The following TSSK2 variants were observed in gnomAD, a reference collection of about 807,000 sequenced individuals.
The protein encoded by TSSK2 is testis-specific serine/threonine-protein kinase 2.
Under a neutral mutation model 14.2 loss-of-function variants are expected in TSSK2, and 5 were observed. The ratio of observed to expected loss-of-function variants is 0.35; its 90% CI spans 0.18 to 0.74. TSSK2 has a LOEUF of 0.74. Among genes scored for constraint, TSSK2 ranks in the 30% least tolerant of loss-of-function variants. TSSK2 has a pLI of 0.56. For synonymous variants in TSSK2, 209 were observed against 201.9 expected (o/e 1.04, Z -0.30); for missense variants, 439 against 491.1 (o/e 0.89, Z 1.00).
Position 19,132,162 on chromosome 22 carries a change from C to G in TSSK2, c.763C>G (p.Pro255Ala). ...CKDLIYRMLQ[P>A]DVSQRLHIDE... ...GGACCTCATCTACCGCATGCTGCAGCCCGACGTCAGCCAGCGGCTCCACAT... is the reference window on the plus strand; with the variant it reads ...GGACCTCATCTACCGCATGCTGCAGGCCGACGTCAGCCAGCGGCTCCACAT... Residue 255 changes from proline (P) to alanine (A), a missense_variant, in exon 1 of 1, where the codon CCC becomes GCC. Transcript: ENST00000399635. This position sits in a 1 kb window ranked among gnomAD's most constrained non-coding sequence, Gnocchi z 4.2. 1 of 1,613,378 alleles carries G rather than the reference C, an allele frequency of 6.2e-7. No individual in the cohort carries two copies. The highest frequency in any genetic ancestry group is 8.5e-7 in the Non-Finnish European group (1 of 1,179,426).
chr22:19,132,235 C>G lies in TSSK2; in HGVS notation c.836C>G (p.Ala279Gly). Residue 279 changes from alanine (A) to glycine (G), a missense_variant, in exon 1 of 1, where the codon GCC (alanine) becomes GGC (glycine). Ala to Gly is a moderately conservative substitution (Grantham distance 60). Coordinates refer to ENST00000399635, the MANE Select transcript of TSSK2 (RefSeq NM_053006.5). This position sits in a 1 kb window ranked among gnomAD's most constrained non-coding sequence, Gnocchi z 4.2. ...TGGCTGCAGCCCCCCAAGCCCAAAGCCACGTCTTCTGCCTCCTTCAAGAGG... is the reference window on the plus strand; with the variant it reads ...TGGCTGCAGCCCCCCAAGCCCAAAGGCACGTCTTCTGCCTCCTTCAAGAGG... ...HSWLQPPKPK[A>G]TSSASFKREG... is the part of the protein sequence containing the mutation. 1 of 1,612,120 alleles carries G rather than the reference C, an allele frequency of 6.2e-7. No individual in the cohort carries two copies. Among genetic ancestry groups the G allele is most frequent in the Non-Finnish European group, 8.5e-7 (1 of 1,178,550 alleles).
At position 19,132,387 on chromosome 22, in the gene TSSK2, G is replaced by A. The variant is rs768106552; in HGVS notation, c.988G>A (p.Glu330Lys). Residue 330 changes from glutamate to lysine, a missense_variant, in exon 1 of 1, where the codon GAG becomes AAG. Coordinates refer to ENST00000399635, the MANE Select transcript of TSSK2 (RefSeq NM_053006.5). The surrounding 1 kb of genome is among the most constrained non-coding windows in gnomAD (Gnocchi z 4.2). ...QHRLLVVPEN[E>K]NRMEDRLAET... ...CCGGCTGCTGGTGGTGCCCGAGAAC[G>A]AGAACAGGATGGAGGACAGGCTGGC... The A allele has an allele frequency of 2.2e-5, 36 of 1,613,086 alleles. 1 individual carries two copies. Among genetic ancestry groups the A allele is most frequent in the South Asian group, 1.3e-4 (12 of 91,064 alleles).
rs3747052 is a variant in TSSK2 at position 19,131,479 on chromosome 22, A to G, written c.80A>G (p.Lys27Arg). Residue 27 changes from lysine to arginine, a missense_variant, in exon 1 of 1, where the codon AAA becomes AGA. Lys to Arg is a conservative substitution (Grantham distance 26). Transcript: ENST00000399635. This position sits in a 1 kb window ranked among gnomAD's most constrained non-coding sequence, Gnocchi z 5.7. ...GGCAAGGGTTCCTACGCAAAAGTCA[A>G]ATCTGCCTACTCTGAGCGCCTCAAG... Reference protein sequence around the residue: ...NLGKGSYAKVKSAYSERLKFN... With the variant: ...NLGKGSYAKVRSAYSERLKFN... 8.2e-3 allele frequency: 13,200 copies of G among 1,614,054 alleles called. 531 individuals are homozygous for G. In the African/African-American group the frequency reaches 0.11, roughly 14 times the overall value.
rs1569102529 is a variant in TSSK2, at chr22:19,131,668, T to C, written c.269T>C (p.Met90Thr). The C allele has an allele frequency of 3.1e-6, 5 of 1,614,012 alleles. No homozygotes were observed. The highest frequency in any genetic ancestry group is 1.3e-5 in the African/African-American group (1 of 74,908). ...ETSDGRIYII[M>T]ELGVQGDLLE... The stretch of plus-strand genomic sequence containing the variant: ...TCTGACGGACGGATCTACATCATCA[T>C]GGAGCTTGGCGTCCAGGGCGACCTC... The change falls in exon 1 of 1, where the codon ATG (methionine) becomes ACG (threonine). Residue 90 changes from methionine to threonine, a missense_variant. Coordinates refer to ENST00000399635, the MANE Select transcript of TSSK2 (RefSeq NM_053006.5). This position sits in a 1 kb window ranked among gnomAD's most constrained non-coding sequence, Gnocchi z 5.7.
In TSSK2 at chr22:19,132,557, G is replaced by A. The variant is rs531089437; in HGVS notation, c.*81G>A. 2 of 1,400,970 alleles carry A rather than the reference G, an allele frequency of 1.4e-6. No individual in the cohort carries two copies. The highest frequency in any genetic ancestry group is 2.1e-5 in the Admixed American group (1 of 46,530). 86.8% of individuals were successfully genotyped at this position (1,400,970 alleles called of 1,614,324 possible). On this transcript the variant is annotated 3_prime_UTR_variant, in exon 1 of 1. Coordinates refer to ENST00000399635, the MANE Select transcript of TSSK2 (RefSeq NM_053006.5). The surrounding 1 kb of genome is among the most constrained non-coding windows in gnomAD (Gnocchi z 4.2). ...GTCGGCCTTCACGTAAACTAAGTAG[G>A]CAGGTAGGATCTGAAGAAGGCACAG...
rs762613886 is a variant in TSSK2, at chr22:19,131,491, C to G, written c.92C>G (p.Ser31Cys). ...TACGCAAAAGTCAAATCTGCCTACT[C>G]TGAGCGCCTCAAGTTCAATGTGGCT... Reference protein sequence around the residue: ...GSYAKVKSAYSERLKFNVAVK... With the variant: ...GSYAKVKSAYCERLKFNVAVK... Residue 31 changes from serine (S) to cysteine (C), a missense_variant, in exon 1 of 1, where the codon TCT (serine) becomes TGT (cysteine). By Grantham distance (112) the Ser-to-Cys change is moderately radical. Coordinates refer to ENST00000399635, the MANE Select transcript of TSSK2 (RefSeq NM_053006.5). The surrounding 1 kb of genome is among the most constrained non-coding windows in gnomAD (Gnocchi z 5.7). 1 of 1,614,188 alleles carries G rather than the reference C, an allele frequency of 6.2e-7. No individual in the cohort carries two copies. Among genetic ancestry groups the G allele is most frequent in the Admixed American group, 1.7e-5 (1 of 60,032 alleles).
chr22:19,132,530 C>A lies in TSSK2; in HGVS notation c.*54C>A. On this transcript the variant is annotated 3_prime_UTR_variant, in exon 1 of 1. Transcript: ENST00000399635. The surrounding 1 kb of genome is among the most constrained non-coding windows in gnomAD (Gnocchi z 4.2). ...GGGGTCGGGGTTGGGGGGCATGGTG[C>A]AGTCGGCCTTCACGTAAACTAAGTA... 1 of 1,523,168 alleles carries A rather than the reference C, an allele frequency of 6.6e-7. No individual in the cohort carries two copies. The allele number at this position is 1,523,168 out of a possible 1,614,324, so 94.4% of individuals were successfully genotyped here.
At position 19,131,649 on chromosome 22, in the gene TSSK2, G is replaced by A. The variant is rs200748051; in HGVS notation, c.250G>A (p.Gly84Arg). 1.5e-5 allele frequency: 25 copies of A among 1,613,994 alleles called. No individual in the cohort carries two copies. Among genetic ancestry groups the A allele is most frequent in the South Asian group, 1.3e-4 (12 of 91,048 alleles). ...KTYEIFETSDGRIYIIMELGV... is the reference protein window; with the variant it reads ...KTYEIFETSDRRIYIIMELGV... Reference sequence around the variant, plus strand: ...TTACGAGATCTTTGAGACCTCTGACGGACGGATCTACATCATCATGGAGCT... The same window carrying A: ...TTACGAGATCTTTGAGACCTCTGACAGACGGATCTACATCATCATGGAGCT... Residue 84 changes from glycine to arginine, a missense_variant, in exon 1 of 1, where the codon GGA (glycine) becomes AGA (arginine). Transcript: ENST00000399635. This position sits in a 1 kb window ranked among gnomAD's most constrained non-coding sequence, Gnocchi z 5.7.
chr22:19,131,897 T>C lies in TSSK2; in HGVS notation c.498T>C (p.Asn166=), dbSNP rs776048479. ...CCAAGCGCTGCCTGCGGGACAGCAA[T>C]GGGCGCATCATCCTCAGCAAGACCT... ...GFSKRCLRDS[N]GRIILSKTFC... The change falls in exon 1 of 1, where the codon AAT becomes AAC. Residue 166 remains asparagine, a synonymous_variant. Transcript: ENST00000399635. This position sits in a 1 kb window ranked among gnomAD's most constrained non-coding sequence, Gnocchi z 5.7. 6.8e-6 allele frequency: 11 copies of C among 1,613,954 alleles called. No homozygotes were observed. In the Admixed American group the frequency reaches 1.2e-4, roughly 17 times the overall value.
In TSSK2 at chr22:19,131,927, C is replaced by T. The variant is rs148566995; in HGVS notation, c.528C>T (p.Cys176=). 4.9e-5 allele frequency: 79 copies of T among 1,613,924 alleles called. No individual in the cohort carries two copies. The highest frequency in any genetic ancestry group is 1.6e-4 in the Middle Eastern group (1 of 6,082). ...NGRIILSKTF[C]GSAAYAAPEV... is the part of the protein sequence containing the mutation. ...GCATCATCCTCAGCAAGACCTTCTG[C>T]GGGTCGGCAGCATATGCAGCCCCCG... The change falls in exon 1 of 1, where the codon TGC becomes TGT. Residue 176 remains cysteine (C), a synonymous_variant. Transcript: ENST00000399635. The surrounding 1 kb of genome is among the most constrained non-coding windows in gnomAD (Gnocchi z 5.7).
rs904518301 is a variant in TSSK2, at chr22:19,131,567, C to T, written c.168C>T (p.Phe56=). ...KKTPTDFVER[F]LPREMDILAT... ...CACCTACTGACTTTGTGGAGAGATT[C>T]CTTCCTCGGGAGATGGACATCCTGG... The change falls in exon 1 of 1, where the codon TTC becomes TTT. Residue 56 remains phenylalanine (F), a synonymous_variant. Transcript: ENST00000399635. This position sits in a 1 kb window ranked among gnomAD's most constrained non-coding sequence, Gnocchi z 5.7. The T allele has an allele frequency of 4.3e-6, 7 of 1,614,150 alleles. No homozygotes were observed. The Middle Eastern group carries it at 6.6e-4, about 152-fold the overall frequency.
Position 19,132,011 on chromosome 22 carries a change from GATCCTGTAC to G in TSSK2, c.616_624del (p.Leu206_Ile208del), listed in dbSNP as rs776250553. Reference sequence around the variant, plus strand: ...TGTATGACATCTGGAGCCTGGGCGTGATCCTGTACATCATGGTCTGCGGCTCCATGCCCT... The same window carrying G: ...TGTATGACATCTGGAGCCTGGGCGTGATCATGGTCTGCGGCTCCATGCCCT... On this transcript the variant is annotated inframe_deletion, in exon 1 of 1. Coordinates refer to ENST00000399635, the MANE Select transcript of TSSK2 (RefSeq NM_053006.5). The surrounding 1 kb of genome is among the most constrained non-coding windows in gnomAD (Gnocchi z 4.2). The G allele has an allele frequency of 1.7e-5, 28 of 1,614,034 alleles. No individual in the cohort carries two copies. Among genetic ancestry groups the G allele is most frequent in the Non-Finnish European group, 2.3e-5 (27 of 1,180,034 alleles).
Position 19,132,496 on chromosome 22 carries a change from T to C in TSSK2, c.*20T>C. On this transcript the variant is annotated 3_prime_UTR_variant, in exon 1 of 1. Transcript: ENST00000399635. This position sits in a 1 kb window ranked among gnomAD's most constrained non-coding sequence, Gnocchi z 4.2. ...ACCTAGCATGACAATGGCCCCGTTG[T>C]GTGTGGTGGGGGTCGGGGTTGGGGG... The C allele has an allele frequency of 6.3e-7, 1 of 1,585,748 alleles. No homozygotes were observed. The highest frequency in any genetic ancestry group is 1.7e-5 in the Admixed American group (1 of 57,818).
At position 19,131,389 on chromosome 22, in the gene TSSK2, C is replaced by T. The variant is rs992763802; in HGVS notation, c.-11C>T. Reference sequence around the variant, plus strand: ...ATGTAGACGGCAGCGGCGCCAGTCGCTCCTGGCACCATGGACGATGCCACA... The same window carrying T: ...ATGTAGACGGCAGCGGCGCCAGTCGTTCCTGGCACCATGGACGATGCCACA... On this transcript the variant is annotated 5_prime_UTR_variant, in exon 1 of 1. Transcript: ENST00000399635. The surrounding 1 kb of genome is among the most constrained non-coding windows in gnomAD (Gnocchi z 5.7). 1.3e-6 allele frequency: 2 copies of T among 1,584,494 alleles called. No individual in the cohort carries two copies. The highest frequency in any genetic ancestry group is 2.7e-5 in the African/African-American group (2 of 74,114).
At position 19,132,150 on chromosome 22, in the gene TSSK2, C is replaced by T. The variant is rs757615521; in HGVS notation, c.751C>T (p.Arg251Cys). The change falls in exon 1 of 1, where the codon CGC becomes TGC. Residue 251 changes from arginine (R) to cysteine (C), a missense_variant. Arg to Cys is a radical substitution (Grantham distance 180). Coordinates refer to ENST00000399635, the MANE Select transcript of TSSK2 (RefSeq NM_053006.5). The surrounding 1 kb of genome is among the most constrained non-coding windows in gnomAD (Gnocchi z 4.2). ...LTCECKDLIY[R>C]MLQPDVSQRL... ...CTGCGAGTGCAAGGACCTCATCTACCGCATGCTGCAGCCCGACGTCAGCCA... is the reference window on the plus strand; with the variant it reads ...CTGCGAGTGCAAGGACCTCATCTACTGCATGCTGCAGCCCGACGTCAGCCA... 2.1e-5 allele frequency: 34 copies of T among 1,613,232 alleles called. No homozygotes were observed. Among genetic ancestry groups the T allele is most frequent in the Middle Eastern group, 1.6e-4 (1 of 6,082 alleles).
rs202065494 is a variant in TSSK2, at chr22:19,131,621, G to A, written c.222G>A (p.Lys74=). 6.2e-7 allele frequency: 1 copy of A among 1,614,112 alleles called. No individual in the cohort carries two copies. Among genetic ancestry groups the A allele is most frequent in the Non-Finnish European group, 8.5e-7 (1 of 1,180,028 alleles). Residue 74 remains lysine (K), a synonymous_variant, in exon 1 of 1, where the codon AAG becomes AAA. Coordinates refer to ENST00000399635, the MANE Select transcript of TSSK2 (RefSeq NM_053006.5). This position sits in a 1 kb window ranked among gnomAD's most constrained non-coding sequence, Gnocchi z 5.7. ...LATVNHGSII[K]TYEIFETSDG... ...CTGTCAACCACGGCTCCATCATCAA[G>A]ACTTACGAGATCTTTGAGACCTCTG...
chr22:19,131,408 T>C lies in TSSK2; in HGVS notation c.9T>C (p.Asp3=). 1 of 1,599,330 alleles carries C rather than the reference T, an allele frequency of 6.3e-7. No individual in the cohort carries two copies. Among genetic ancestry groups the C allele is most frequent in the Non-Finnish European group, 8.5e-7 (1 of 1,171,284 alleles). Residue 3 remains aspartate, a synonymous_variant, in exon 1 of 1, where the codon GAT becomes GAC. Coordinates refer to ENST00000399635, the MANE Select transcript of TSSK2 (RefSeq NM_053006.5). This position sits in a 1 kb window ranked among gnomAD's most constrained non-coding sequence, Gnocchi z 5.7. ...CAGTCGCTCCTGGCACCATGGACGA[T>C]GCCACAGTCCTAAGGAAGAAGGGTT... The part of the protein sequence containing the change: MD[D]ATVLRKKGYI...
rs1359051663 is a variant in TSSK2, at chr22:19,132,264, G to A, written c.865G>A (p.Gly289Arg). 1.2e-6 allele frequency: 2 copies of A among 1,612,576 alleles called. No individual in the cohort carries two copies. Among genetic ancestry groups the A allele is most frequent in the Non-Finnish European group, 1.7e-6 (2 of 1,179,190 alleles). Reference sequence around the variant, plus strand: ...GTCTTCTGCCTCCTTCAAGAGGGAGGGGGAGGGCAAGTACCGCGCTGAGTG... The same window carrying A: ...GTCTTCTGCCTCCTTCAAGAGGGAGAGGGAGGGCAAGTACCGCGCTGAGTG... ...ATSSASFKRE[G>R]EGKYRAECKL... Residue 289 changes from glycine (G) to arginine (R), a missense_variant, in exon 1 of 1, where the codon GGG becomes AGG. Physicochemically the swap from Gly to Arg is moderately radical, Grantham distance 125 (BLOSUM62 -2). Transcript: ENST00000399635. This position sits in a 1 kb window ranked among gnomAD's most constrained non-coding sequence, Gnocchi z 4.2.
chr22:19,132,388 A>G lies in TSSK2; in HGVS notation c.989A>G (p.Glu330Gly). The change falls in exon 1 of 1, where the codon GAG becomes GGG. Residue 330 changes from glutamate to glycine, a missense_variant. Physicochemically the swap from Glu to Gly is moderately conservative, Grantham distance 98. Transcript: ENST00000399635. The surrounding 1 kb of genome is among the most constrained non-coding windows in gnomAD (Gnocchi z 4.2). Reference sequence around the variant, plus strand: ...CGGCTGCTGGTGGTGCCCGAGAACGAGAACAGGATGGAGGACAGGCTGGCC... The same window carrying G: ...CGGCTGCTGGTGGTGCCCGAGAACGGGAACAGGATGGAGGACAGGCTGGCC... ...QHRLLVVPEN[E>G]NRMEDRLAET... is the part of the protein sequence containing the mutation. 1 of 1,613,170 alleles carries G rather than the reference A, an allele frequency of 6.2e-7. No individual in the cohort carries two copies. Among genetic ancestry groups the G allele is most frequent in the East Asian group, 2.2e-5 (1 of 44,858 alleles).
Sources: gnomAD v4.1 joint callset for allele counts on GRCh38, gnomAD v4.1.1 for gene constraint, Gnocchi (gnomAD v3.1) non-coding constraint, MANE v1.5 for transcripts, NCBI Gene and HGNC (gene_info 2026-07-23, HGNC 2026-07-21) for gene names.